Variants in DIP2B observed in about 807,000 individuals in gnomAD.
The protein encoded by DIP2B is disco-interacting protein 2 homolog B.
In DIP2B, 76 loss-of-function variants were observed where a neutral mutation model predicts 198.0. The observed-to-expected ratio is 0.38, with a 90% CI of 0.32 to 0.46. The LOEUF (loss-of-function observed/expected upper bound fraction) is 0.46. DIP2B is among the 20% of genes least tolerant of loss of function. The probability of loss-of-function intolerance (pLI) is 0.99; values close to 1 mark genes in which losing one functional copy is unlikely to be tolerated. For synonymous variants in DIP2B, 701 were observed against 739.1 expected (o/e 0.95, Z 0.84); for missense variants, 1,559 against 1,978.4 (o/e 0.79, Z 4.02).
intron 2 of DIP2B, among the ~76,000 whole-genome samples, chr12:50,631,796 G>T (rs1268495775): frequency 6.6e-6 from 1 of 152,040 alleles, no homozygotes; most frequent in Admixed American, 6.6e-5. Context: ...GTCTGTCAGT[G>T]GTAAATTCTT....
intron 27 of DIP2B, among the ~76,000 whole-genome samples, chr12:50,723,852 C>G (rs953923313): frequency 6.6e-6 from 1 of 152,174 alleles, no homozygotes; most frequent in East Asian, 1.9e-4. Context: ...TGAATTATCC[C>G]CAGTGTCAAG....
chr12:50,598,210 G>T (rs1019460993), intron 1 of DIP2B, among the ~76,000 whole-genome samples: 2 of 152,128 alleles, frequency 1.3e-5, no homozygotes, highest in Non-Finnish European at 2.9e-5. Flanking sequence ...TATAAAAACT[G>T]GGTTAGCCAC....
At chr12:50,602,853 G>C (rs1332097568) in intron 1 of DIP2B, among the ~76,000 whole-genome samples, 1 of 84,440 alleles carries the variant, frequency 1.2e-5, no homozygotes, top group South Asian at 4.9e-4. Flanking sequence ...GTGAGACTCT[G>C]TCTCAAAAAA....
chr12:50,663,673 C>T (rs996296211), intron 4 of DIP2B, among the ~76,000 whole-genome samples: 2 of 151,194 alleles, frequency 1.3e-5, no homozygotes, highest in Non-Finnish European at 3.0e-5. Context: ...AGGAGGGGAC[C>T]AGCCTGTGCA....
chr12:50,720,599 AT>A (rs1368263237), intron 25 of DIP2B, among the ~76,000 whole-genome samples: 1 of 152,104 alleles, frequency 6.6e-6, no homozygotes, highest in Admixed American at 6.5e-5. Context: ...AAGCCCACAG[AT>A]TCATTAGGGT....
At chr12:50,606,803 C>A (rs1452889525) in intron 1 of DIP2B, among the ~76,000 whole-genome samples, 2 of 149,424 alleles carry the variant, frequency 1.3e-5, no homozygotes, top group African/African-American at 4.9e-5. Flanking sequence ...GCTTCTTTTT[C>A]TGTTTTTTTT....
At chr12:50,702,207 A>G (rs1376783489) in intron 19 of DIP2B, among the ~76,000 whole-genome samples, 3 of 152,118 alleles carry the variant, frequency 2.0e-5, no homozygotes, top group Non-Finnish European at 2.9e-5. Context: ...TTAGCCAGGC[A>G]TGGTGGCGGG....
Position 50,626,056 on chromosome 12 carries a change from T to TA in DIP2B, c.172+15dup, listed in dbSNP as rs1277283296. The TA allele has an allele frequency of 6.2e-7, 1 of 1,613,072 alleles. No individual in the cohort carries two copies. The highest frequency in any genetic ancestry group is 8.5e-7 in the Non-Finnish European group (1 of 1,179,650). ...CAGCCCGCAGACACAAGGTAGGCAATAAAAAATGGTTTCAACTTTTTCAGT... is the reference window on the plus strand; with the variant it reads ...CAGCCCGCAGACACAAGGTAGGCAATAAAAAAATGGTTTCAACTTTTTCAGT... On this transcript the variant is annotated intron_variant, in intron 2 of 37. Coordinates refer to ENST00000301180, the MANE Select transcript of DIP2B (RefSeq NM_173602.3).
chr12:50,650,183 C>G (rs1360002538), intron 3 of DIP2B, among the ~76,000 whole-genome samples: 2 of 151,892 alleles, frequency 1.3e-5, no homozygotes, highest in Admixed American at 1.3e-4. Flanking sequence ...GCACTTCAGC[C>G]TGGGCAACAA....
At position 50,699,100 on chromosome 12, in the gene DIP2B, C is replaced by A; in HGVS notation, c.2223C>A (p.Pro741=). The stretch of plus-strand genomic sequence containing the variant: ...GCATTGTGAAACCAGATGGACCTCC[C>A]CAGCTCTGCAAAACAGATGAAATTG... ...MMCIVKPDGP[P]QLCKTDEIGE... is the part of the protein sequence containing the mutation. The change falls in exon 19 of 38, where the codon CCC becomes CCA. Residue 741 remains proline (P), a synonymous_variant. Transcript: ENST00000301180. The A allele has an allele frequency of 6.2e-7, 1 of 1,614,154 alleles. No individual in the cohort carries two copies. Among genetic ancestry groups the A allele is most frequent in the Non-Finnish European group, 8.5e-7 (1 of 1,180,024 alleles).
chr12:50,648,345 C>A (rs933570294), intron 3 of DIP2B, among the ~76,000 whole-genome samples: 1 of 151,748 alleles, frequency 6.6e-6, no homozygotes, highest in Admixed American at 6.6e-5. Context: ...ATTGCCTAAG[C>A]CTATTTTTTT....
chr12:50,603,926 T>C (rs957574171), intron 1 of DIP2B, among the ~76,000 whole-genome samples: 4 of 152,108 alleles, frequency 2.6e-5, no homozygotes, highest in African/African-American at 9.7e-5. Context: ...AAATTCACAA[T>C]GATGAGAAAG....
chr12:50,523,318 T>G (rs1200577887), intron 1 of DIP2B, among the ~76,000 whole-genome samples: 1 of 152,174 alleles, frequency 6.6e-6, no homozygotes, highest in Non-Finnish European at 1.5e-5. Flanking sequence ...TAGTTGTTAT[T>G]CTTTATAATT....
intron 1 of DIP2B, among the ~76,000 whole-genome samples, chr12:50,557,849 C>T (rs1958484419): frequency 6.6e-6 from 1 of 152,102 alleles, no homozygotes; most frequent in African/African-American, 2.4e-5. Flanking sequence ...ATCATTTCTT[C>T]CAGAACAAGG....
At chr12:50,661,887 G>C (rs1272450196) in intron 4 of DIP2B, among the ~76,000 whole-genome samples, 1 of 152,184 alleles carries the variant, frequency 6.6e-6, no homozygotes, top group African/African-American at 2.4e-5. Context: ...ATGGCTTTGG[G>C]TGAAATGTGA....
At chr12:50,713,962 C>T (rs905561400) in intron 22 of DIP2B, among the ~76,000 whole-genome samples, 4 of 152,156 alleles carry the variant, frequency 2.6e-5, no homozygotes, top group Admixed American at 1.3e-4. Context: ...ATTAGCCAGA[C>T]GCAGTGGTGC....
In DIP2B at chr12:50,516,357, C is replaced by T. The variant is rs1377270599; in HGVS notation, c.100+11117C>T. ...GTAGCCTTGGATTCCTGGGCTTAAG[C>T]GATCCTCCCACCTCAGCCTCCCAAG... On this transcript the variant is annotated intron_variant, in intron 1 of 37. Coordinates refer to ENST00000301180, the MANE Select transcript of DIP2B (RefSeq NM_173602.3). Among the ~76,000 whole-genome samples the T allele has an allele frequency of 1.3e-5, 2 of 151,970 alleles. 1 individual carries two copies. Among genetic ancestry groups the T allele is most frequent in the Non-Finnish European group, 2.9e-5 (2 of 67,980 alleles).
At position 50,748,049 on chromosome 12, in the gene DIP2B, CCTTA is replaced by C. The variant is rs1371230849; in HGVS notation, c.*3214_*3217del. The C allele has an allele frequency of 2.0e-5, 3 of 152,750 alleles. No individual in the cohort carries two copies. The highest frequency in any genetic ancestry group is 7.2e-5 in the African/African-American group (3 of 41,552). 9.5% of individuals were successfully genotyped at this position (152,750 alleles called of 1,614,324 possible). A position where few individuals can be genotyped will look rare whatever the true frequency, so the allele number is the denominator to read the frequency against. ...CTGTCTTGGTCACATGAGTCTGTCT[CCTTA>C]CTTTAGTCCCTGGGCAATCCTTGCT... On this transcript the variant is annotated 3_prime_UTR_variant, in exon 38 of 38. Transcript: ENST00000301180.
At position 50,511,372 on chromosome 12, in the gene DIP2B, A is replaced by T. The variant is rs1347611591; in HGVS notation, c.100+6132A>T. 3.3e-5 allele frequency among the ~76,000 whole-genome samples: 4 copies of T among 120,290 alleles called. No individual in the cohort carries two copies. The East Asian group carries it at 1.1e-3, about 34-fold the overall frequency. The allele number at this position is 120,290 out of a possible 152,430, so 78.9% of individuals were successfully genotyped here. On this transcript the variant is annotated intron_variant, in intron 1 of 37. Coordinates refer to ENST00000301180, the MANE Select transcript of DIP2B (RefSeq NM_173602.3). Reference sequence around the variant, plus strand: ...AGTGGCACGACCTTGGCTCACCACAACCCCCGCCTTCCGGGCTCAAGCGAT... The same window carrying T: ...AGTGGCACGACCTTGGCTCACCACATCCCCCGCCTTCCGGGCTCAAGCGAT...
Sources: allele counts gnomAD v4.1 joint callset (sites outside exome capture counted in the v4.1 genomes callset), GRCh38; gene constraint gnomAD v4.1.1; transcripts MANE v1.5; gene names NCBI Gene and HGNC (gene_info 2026-07-23, HGNC 2026-07-21).